The following PCDH9 variants were observed in gnomAD, a reference collection of about 807,000 sequenced individuals.
PCDH9 encodes protocadherin-9.
In PCDH9, 24 loss-of-function variants were observed where a neutral mutation model predicts 70.6. The observed-to-expected ratio is 0.34, with a 90% CI of 0.25 to 0.48. The LOEUF is 0.48. Among genes scored for constraint, PCDH9 ranks in the 20% least tolerant of loss-of-function variants. The probability of loss-of-function intolerance (pLI) is 0.99; values close to 1 mark genes in which losing one functional copy is unlikely to be tolerated. For missense variants in PCDH9, 1,281 were observed against 1,503.6 expected, an observed-to-expected ratio of 0.85 and a Z score of 2.45; for synonymous variants, 562 against 558.5, an observed-to-expected ratio of 1.01 and a Z score of -0.09.
chr13:66,984,864 T>C (rs367565866), intron 2 of PCDH9, among the ~76,000 whole-genome samples: 6 of 152,124 alleles, frequency 3.9e-5, no homozygotes, highest in African/African-American at 9.7e-5. Context: ...TAATTTCCTA[T>C]ATGGTTTTCT....
At chr13:67,037,111 C>T (rs1407959595) in intron 2 of PCDH9, among the ~76,000 whole-genome samples, 1 of 152,092 alleles carries the variant, frequency 6.6e-6, no homozygotes, top group Non-Finnish European at 1.5e-5. Context: ...TGATTACATC[C>T]CCTTCAACTT....
intron 2 of PCDH9, among the ~76,000 whole-genome samples, chr13:67,116,571 C>A (rs1180340145): frequency 3.9e-5 from 6 of 152,084 alleles, no homozygotes; most frequent in East Asian, 3.9e-4. Context: ...AAAAAAATTT[C>A]TTGGGTTGAA....
intron 4 of PCDH9, among the ~76,000 whole-genome samples, chr13:66,367,339 T>C (rs1956570867): frequency 6.6e-6 from 1 of 152,120 alleles, no homozygotes; most frequent in African/African-American, 2.4e-5. Flanking sequence ...TAACAGACAC[T>C]CTGTTTGCAT....
intron 4 of PCDH9, among the ~76,000 whole-genome samples, chr13:66,480,347 G>A (rs944256195): frequency 1.3e-5 from 2 of 152,290 alleles, no homozygotes; most frequent in South Asian, 4.1e-4. Context: ...TCTTGAGATG[G>A]AATCTACTCC....
At chr13:67,057,034 T>C (rs1182355233) in intron 2 of PCDH9, among the ~76,000 whole-genome samples, 6 of 152,188 alleles carry the variant, frequency 3.9e-5, no homozygotes, top group Non-Finnish European at 8.8e-5. Context: ...TAATTTTAAA[T>C]ATATAGATTA....
At chr13:66,955,742 A>C (rs1242615547) in intron 2 of PCDH9, among the ~76,000 whole-genome samples, 1 of 152,216 alleles carries the variant, frequency 6.6e-6, no homozygotes, top group Admixed American at 6.5e-5. Flanking sequence ...GATCACTTTA[A>C]AAATTCAAGG....
intron 2 of PCDH9, among the ~76,000 whole-genome samples, chr13:67,163,613 A>T (rs564384168): frequency 3.5e-4 from 53 of 152,328 alleles, no homozygotes; most frequent in African/African-American, 1.2e-3. Context: ...GGTTTTAGTT[A>T]ATTCATATGC....
chr13:66,819,325 GAA>G (rs34857677), intron 3 of PCDH9, among the ~76,000 whole-genome samples: 8 of 147,858 alleles, frequency 5.4e-5, no homozygotes, highest in African/African-American at 2.0e-4. Context: ...TTGATGAGGA[GAA>G]AAAAAAAAAA....
intron 3 of PCDH9, among the ~76,000 whole-genome samples, chr13:66,778,075 T>C (rs1339037237): frequency 1.5e-5 from 2 of 134,954 alleles, no homozygotes; most frequent in Non-Finnish European, 3.0e-5. Flanking sequence ...AGGTGGGAAT[T>C]GAACAATGAG....
intron 4 of PCDH9, among the ~76,000 whole-genome samples, chr13:66,430,881 A>G (rs1346109631): frequency 6.6e-6 from 1 of 152,094 alleles, no homozygotes; most frequent in African/African-American, 2.4e-5. Context: ...TTGGAGATAA[A>G]TTTGAATTGT....
At chr13:66,390,253 A>C (rs1367549602) in intron 4 of PCDH9, among the ~76,000 whole-genome samples, 1 of 152,176 alleles carries the variant, frequency 6.6e-6, no homozygotes, top group Non-Finnish European at 1.5e-5. Context: ...AGTTACCATT[A>C]ATCTGAGAGA....
At chr13:67,210,713 A>T (rs1320338012) in intron 2 of PCDH9, 1 of 152,032 alleles carries the variant, frequency 6.6e-6, no homozygotes, top group East Asian at 1.9e-4. Context: ...GCAAAGTATA[A>T]ATGGTTTTGA....
intron 4 of PCDH9, among the ~76,000 whole-genome samples, chr13:66,512,694 T>C (rs1959538684): frequency 6.8e-6 from 1 of 147,744 alleles, no homozygotes; most frequent in African/African-American, 2.7e-5. Flanking sequence ...AGAAAAATTA[T>C]TTCATATTGT....
At chr13:66,964,181 C>G (rs2083395213) in intron 2 of PCDH9, among the ~76,000 whole-genome samples, 1 of 151,806 alleles carries the variant, frequency 6.6e-6, no homozygotes, top group Non-Finnish European at 1.5e-5. Flanking sequence ...AGACATGTAA[C>G]AAAATATTAT....
In PCDH9 at chr13:66,581,024, C is replaced by A. The variant is rs1260662441; in HGVS notation, c.3340+50186G>T. Among the ~76,000 whole-genome samples, 6 of 152,212 alleles carry A rather than the reference C, an allele frequency of 3.9e-5. No individual in the cohort carries two copies. In the East Asian group the frequency reaches 1.2e-3, roughly 29 times the overall value. On this transcript the variant is annotated intron_variant, in intron 4 of 4. Transcript: ENST00000377865. The stretch of plus-strand genomic sequence containing the variant: ...TCCAAATTTTATTTCCACTGATATC[C>A]TTTCATTTATGAAGCTGTAATTCTT...
At chr13:67,165,668 G>A (rs1480915701) in intron 2 of PCDH9, among the ~76,000 whole-genome samples, 1 of 152,034 alleles carries the variant, frequency 6.6e-6, no homozygotes, top group Non-Finnish European at 1.5e-5. Context: ...ATTGCTAACA[G>A]TTCTTTATGA....
intron 2 of PCDH9, among the ~76,000 whole-genome samples, chr13:67,013,722 AC>A (rs146056006): frequency 0.23 from 32,738 of 143,504 alleles, 3,837 homozygotes; most frequent in Admixed American, 0.28. Context: ...TTGATGGATA[AC>A]AAAAAAAAAT....
At chr13:66,560,013 A>C (rs1417874007) in intron 4 of PCDH9, among the ~76,000 whole-genome samples, 1 of 151,778 alleles carries the variant, frequency 6.6e-6, no homozygotes, top group Non-Finnish European at 1.5e-5. Flanking sequence ...AAAGTTGAAC[A>C]TATGCAGTTT....
intron 4 of PCDH9, among the ~76,000 whole-genome samples, chr13:66,506,870 G>A (rs529674542): frequency 1.8e-4 from 27 of 152,280 alleles, no homozygotes; most frequent in African/African-American, 5.8e-4. Flanking sequence ...ATCTTTAAAT[G>A]TCTATGCCTT....
Sources: allele counts gnomAD v4.1 joint callset (sites outside exome capture counted in the v4.1 genomes callset), GRCh38; gene constraint gnomAD v4.1.1; transcripts MANE v1.5; gene names NCBI Gene and HGNC (gene_info 2026-07-23, HGNC 2026-07-21).